Variants in MTMR7 observed in about 807,000 individuals in gnomAD.
MTMR7 encodes phosphatidylinositol-3-phosphate phosphatase MTMR7.
A neutral mutation model predicts 81.2 loss-of-function variants in MTMR7; 76 were observed. That is an observed-to-expected ratio of 0.94 (90% CI 0.78 to 1.13). The LOEUF (loss-of-function observed/expected upper bound fraction) is 1.13, where lower values mean the gene tolerates loss of function less well. Ranked by LOEUF, MTMR7 falls within the 50% of genes most tolerant of loss-of-function variation. The pLI is 0.00. For synonymous variants in MTMR7, 372 were observed against 289.8 expected, an observed-to-expected ratio of 1.28 and a Z score of -2.88; for missense variants, 1,044 against 820.0, an observed-to-expected ratio of 1.27 and a Z score of -3.34.
At chr8:17,364,817 T>C (rs1210344922) in intron 3 of MTMR7, among the ~76,000 whole-genome samples, 1 of 152,252 alleles carries the variant, frequency 6.6e-6, no homozygotes, top group Admixed American at 6.5e-5. Flanking sequence ...CTTCATCCAA[T>C]GATGGATACT....
chr8:17,300,465 T>A (rs373513639), intron 13 of MTMR7, among the ~76,000 whole-genome samples: 1 of 152,142 alleles, frequency 6.6e-6, no homozygotes. Context: ...ATAAACAATA[T>A]AGCACAGTTG....
intron 3 of MTMR7, among the ~76,000 whole-genome samples, chr8:17,369,641 CTT>C (rs71212689): frequency 0.022 from 2,330 of 106,124 alleles, 20 homozygotes; most frequent in East Asian, 0.072. Context: ...TTCTTTTTTT[CTT>C]TTTTTTTTTT....
At chr8:17,336,103 A>G (rs571237862) in intron 6 of MTMR7, among the ~76,000 whole-genome samples, 1 of 152,302 alleles carries the variant, frequency 6.6e-6, no homozygotes, top group Non-Finnish European at 1.5e-5. Flanking sequence ...CATAGCGTCC[A>G]AGTGCTCAAT....
intron 7 of MTMR7, among the ~76,000 whole-genome samples, chr8:17,330,423 G>A (rs1178103880): frequency 6.6e-6 from 1 of 152,242 alleles, no homozygotes; most frequent in Admixed American, 6.5e-5. Context: ...AGAGCCGGAA[G>A]TGGTAGACTA....
chr8:17,302,133 A>G (rs201768536), intron 13 of MTMR7, 21 bp downstream of exon 13: 1,899 of 1,613,986 alleles, frequency 1.2e-3, no homozygotes, highest in Non-Finnish European at 1.4e-3. Flanking sequence ...AAAATAGATT[A>G]ACAAAGCAAG....
intron 7 of MTMR7, among the ~76,000 whole-genome samples, chr8:17,322,950 C>CT (rs58584179): frequency 0.29 from 36,842 of 125,506 alleles, 5,975 homozygotes; most frequent in South Asian, 0.49. Flanking sequence ...ATTGAATTAT[C>CT]TTTTTTTTTT....
At chr8:17,343,651 G>A (rs1819470409) in intron 5 of MTMR7, among the ~76,000 whole-genome samples, 1 of 152,146 alleles carries the variant, frequency 6.6e-6, no homozygotes, top group South Asian at 2.1e-4. Flanking sequence ...TTTTAAATGA[G>A]GAACTATACT....
intron 4 of MTMR7, 189 bp from the exon 5 acceptor site, chr8:17,349,270 C>G: frequency 1.7e-6 from 1 of 581,776 alleles, no homozygotes; most frequent in South Asian, 2.4e-5. Flanking sequence ...TCTATGTAAT[C>G]ATTCTGAAGG....
At chr8:17,354,414 T>C (rs1405485632) in intron 4 of MTMR7, among the ~76,000 whole-genome samples, 2 of 152,216 alleles carry the variant, frequency 1.3e-5, no homozygotes, top group African/African-American at 4.8e-5. Context: ...CAAATTACTT[T>C]ATTTAAATAA....
At chr8:17,392,979 T>C (rs1344886708) in intron 1 of MTMR7, among the ~76,000 whole-genome samples, 1 of 152,196 alleles carries the variant, frequency 6.6e-6, no homozygotes, top group Admixed American at 6.5e-5. Context: ...GTGTATTCTG[T>C]TTAGTCTCTA....
intron 12 of MTMR7, among the ~76,000 whole-genome samples, chr8:17,302,825 G>T (rs188455025): frequency 5.4e-5 from 8 of 149,148 alleles, no homozygotes; most frequent in African/African-American, 1.7e-4. Context: ...CGATTCTCCT[G>T]CCTCAGCCTC....
At chr8:17,387,476 T>C (rs1042527735) in intron 1 of MTMR7, among the ~76,000 whole-genome samples, 12 of 152,216 alleles carry the variant, frequency 7.9e-5, no homozygotes, top group Non-Finnish European at 1.5e-4. Context: ...GGGGAAAGGA[T>C]AAATGAATAT....
intron 6 of MTMR7, among the ~76,000 whole-genome samples, chr8:17,334,151 A>G (rs184580493): frequency 3.9e-4 from 59 of 152,260 alleles, no homozygotes; most frequent in African/African-American, 1.3e-3. Flanking sequence ...AGAAGGTGGC[A>G]ATATTTCATC....
At chr8:17,393,569 G>T (rs1255850245) in intron 1 of MTMR7, among the ~76,000 whole-genome samples, 1 of 152,174 alleles carries the variant, frequency 6.6e-6, no homozygotes, top group East Asian at 1.9e-4. Context: ...GGAGCTAGAA[G>T]CTGTCATCCT....
intron 1 of MTMR7, among the ~76,000 whole-genome samples, chr8:17,375,643 T>C (rs966975073): frequency 1.3e-5 from 2 of 152,196 alleles, no homozygotes; most frequent in African/African-American, 4.8e-5. Flanking sequence ...GACCTGTTTA[T>C]ACAGTAAGGC....
At chr8:17,330,585 T>C (rs993986811) in intron 7 of MTMR7, among the ~76,000 whole-genome samples, 5 of 152,224 alleles carry the variant, frequency 3.3e-5, no homozygotes, top group African/African-American at 1.2e-4. Flanking sequence ...TCCATCTCTT[T>C]AATTTCCTGT....
At chr8:17,370,992 T>A (rs755522758) in intron 3 of MTMR7, 45 bp downstream of exon 3, 108 of 1,586,350 alleles carry the variant, frequency 6.8e-5, no homozygotes, top group Non-Finnish European at 3.4e-5. Context: ...ATTTGCAAAT[T>A]TTTAAGAGAG....
chr8:17,403,421 G>C (rs1466781099), intron 1 of MTMR7, among the ~76,000 whole-genome samples: 1 of 152,078 alleles, frequency 6.6e-6, no homozygotes, highest in Non-Finnish European at 1.5e-5. Flanking sequence ...TTCTTTTTCT[G>C]TTCCAGCGGT....
chr8:17,335,490 T>C (rs1391047488), intron 6 of MTMR7, among the ~76,000 whole-genome samples: 1 of 152,198 alleles, frequency 6.6e-6, no homozygotes. Context: ...GCCTTAGTCC[T>C]CAAGTCTACC....
Sources: allele counts gnomAD v4.1 joint callset (sites outside exome capture counted in the v4.1 genomes callset), GRCh38; gene constraint gnomAD v4.1.1; transcripts MANE v1.5; gene names NCBI Gene and HGNC (gene_info 2026-07-23, HGNC 2026-07-21).